LYST: variants seen among roughly 807,000 people sequenced by gnomAD.
LYST encodes lysosomal trafficking regulator, also known as lysosomal-trafficking regulator.
In LYST, 192 loss-of-function variants were observed where a neutral mutation model predicts 413.6. The observed-to-expected ratio is 0.46, with a 90% CI of 0.41 to 0.52. The LOEUF (loss-of-function observed/expected upper bound fraction) is 0.52, where lower values mean the gene tolerates loss of function less well. Among genes scored for constraint, LYST ranks in the 20% least tolerant of loss-of-function variants. The pLI, the probability that LYST is intolerant of heterozygous loss-of-function variation, is 0.00. For synonymous variants in LYST, 1,525 were observed against 1,567.3 expected, an observed-to-expected ratio of 0.97 and a Z score of 0.64; for missense variants, 3,815 against 4,499.9, an observed-to-expected ratio of 0.85 and a Z score of 4.35.
chr1:235,880,817 T>A (rs992165415), intron 1 of LYST, among the ~76,000 whole-genome samples: 1 of 152,182 alleles, frequency 6.6e-6, no homozygotes, highest in African/African-American at 2.4e-5. Context: ...ATTGCTGCAT[T>A]TTTTCCTTTA....
intron 25 of LYST, among the ~76,000 whole-genome samples, chr1:235,754,479 C>T (rs972462776): frequency 1.3e-5 from 2 of 152,008 alleles, no homozygotes; most frequent in African/African-American, 4.8e-5. Flanking sequence ...CCTGCCTCTG[C>T]CTCCCAAAGT....
At chr1:235,789,955 G>A (rs1670822192) in intron 12 of LYST, among the ~76,000 whole-genome samples, 1 of 152,162 alleles carries the variant, frequency 6.6e-6, no homozygotes. Flanking sequence ...GAGGTGCTGA[G>A]AGGTTAATTT....
intron 1 of LYST, among the ~76,000 whole-genome samples, chr1:235,855,327 T>C (rs867728882): frequency 6.6e-6 from 1 of 152,178 alleles, no homozygotes; most frequent in Non-Finnish European, 1.5e-5. Context: ...AATATTCAAA[T>C]ACCTTTAGGA....
chr1:235,741,615 G>C lies in LYST; in HGVS notation c.8165C>G (p.Ala2722Gly). The change falls in exon 31 of 53, where the codon GCC becomes GGC. Residue 2722 changes from alanine (A) to glycine (G), a missense_variant. Around this residue, in one of 4 missense-constraint regions of LYST, gnomAD observed 771 missense variants for 837.1 expected, o/e 0.92. Transcript: ENST00000389793. ...AGTCCATTGCTGCTTGGAACCACTG[G>C]CTTTACTTGAACCCTAAAATCAATC... ...GFKVSIGSSK[A>G]SGSKQQWTKI... 1 of 1,613,442 alleles carries C rather than the reference G, an allele frequency of 6.2e-7. No homozygotes were observed. Among genetic ancestry groups the C allele is most frequent in the Non-Finnish European group, 8.5e-7 (1 of 1,179,486 alleles).
chr1:235,821,122 C>T (rs1411272832), intron 3 of LYST, among the ~76,000 whole-genome samples: 1 of 152,076 alleles, frequency 6.6e-6, no homozygotes, highest in African/African-American at 2.4e-5. Flanking sequence ...TGTATTGGTC[C>T]CACGTAGAAC....
chr1:235,741,888 C>T (rs1665433373), intron 30 of LYST, among the ~76,000 whole-genome samples: 1 of 152,058 alleles, frequency 6.6e-6, no homozygotes, highest in African/African-American at 2.4e-5. Context: ...AACAGATAAA[C>T]AAAATGTGGT....
intron 3 of LYST, chr1:235,828,333 T>C (rs114751398): frequency 4.5e-4 from 82 of 180,330 alleles, no homozygotes; most frequent in Middle Eastern, 5.6e-3. Context: ...GATGAAAATA[T>C]TCCAAAATTA....
At chr1:235,722,298 G>A (rs148806269) in intron 39 of LYST, among the ~76,000 whole-genome samples, 67 of 152,288 alleles carry the variant, frequency 4.4e-4, no homozygotes, top group African/African-American at 1.6e-3. Flanking sequence ...GTGATTGAAG[G>A]ATTCTGAGCA....
intron 48 of LYST, among the ~76,000 whole-genome samples, chr1:235,683,979 A>G (rs1193196545): frequency 6.6e-6 from 1 of 152,234 alleles, no homozygotes; most frequent in African/African-American, 2.4e-5. Context: ...TTAAATAGTA[A>G]CTATTAATCT....
At chr1:235,878,197 C>G (rs1354429389) in intron 1 of LYST, among the ~76,000 whole-genome samples, 1 of 152,194 alleles carries the variant, frequency 6.6e-6, no homozygotes, top group East Asian at 1.9e-4. Context: ...GGCAACATCC[C>G]TGGAGCAGGT....
chr1:235,677,215 A>C (rs1659449542), intron 49 of LYST, 27 bp from the exon 50 acceptor site: 5 of 1,479,930 alleles, frequency 3.4e-6, no homozygotes, highest in Non-Finnish European at 4.7e-6. Context: ...ATGAATTTGT[A>C]TATGATCATT....
chr1:235,867,095 C>T (rs1380635864), upstream of LYST, among the ~76,000 whole-genome samples: 1 of 152,182 alleles, frequency 6.6e-6, no homozygotes, highest in Non-Finnish European at 1.5e-5. Context: ...AGGCGTGACG[C>T]GTGGAACTGC....
At chr1:235,675,005 G>C (rs6704394) in intron 50 of LYST, among the ~76,000 whole-genome samples, 1 of 151,994 alleles carries the variant, frequency 6.6e-6, no homozygotes, top group Non-Finnish European at 1.5e-5. Context: ...AACCTCTCTC[G>C]ATTCTCCCCC....
At chr1:235,766,304 A>G (rs1281517441) in intron 20 of LYST, 27 bp from the exon 21 acceptor site, 1 of 1,528,646 alleles carries the variant, frequency 6.5e-7, no homozygotes, top group Admixed American at 1.9e-5. Flanking sequence ...AACTCTCTTT[A>G]GATTTAAAGA....
chr1:235,869,736 T>C (rs1406581706), upstream of LYST, among the ~76,000 whole-genome samples: 2 of 152,182 alleles, frequency 1.3e-5, no homozygotes, highest in African/African-American at 4.8e-5. Flanking sequence ...AAAATCTGCA[T>C]TGGCTCTCCG....
At chr1:235,825,031 AAAC>A (rs534430125) in intron 3 of LYST, among the ~76,000 whole-genome samples, 1,706 of 152,100 alleles carry the variant, frequency 0.011, 32 homozygotes, top group African/African-American at 0.038. Flanking sequence ...AAAAAAAAGA[AAAC>A]AACAACAACA....
At chr1:235,828,916 TA>T in intron 3 of LYST, 1 of 909,736 alleles carries the variant, frequency 1.1e-6, no homozygotes, top group Non-Finnish European at 1.3e-6. Flanking sequence ...TAAAAATACA[TA>T]AACTTGGCTG....
intron 1 of LYST, among the ~76,000 whole-genome samples, chr1:235,840,458 T>C (rs1357958051): frequency 2.6e-5 from 4 of 152,324 alleles, no homozygotes; most frequent in African/African-American, 9.6e-5. Flanking sequence ...TTGTACACTA[T>C]GCTAAGAACC....
At chr1:235,665,612 C>CAA (rs1285165106) in intron 50 of LYST, among the ~76,000 whole-genome samples, 1,179 of 81,246 alleles carry the variant, frequency 0.015, 71 homozygotes, top group African/African-American at 0.047. Flanking sequence ...GACTCTATCT[C>CAA]AAAAAAAAAA....
Sources: gnomAD v4.1 joint callset for allele counts (sites outside exome capture counted in the v4.1 genomes callset) on GRCh38, gnomAD v4.1.1 for gene constraint, gnomAD v4.1.1 regional missense constraint, MANE v1.5 for transcripts, NCBI Gene and HGNC (gene_info 2026-07-23, HGNC 2026-07-21) for gene names.